The following CDH12 variants were observed in gnomAD, a reference collection of about 807,000 sequenced individuals.
CDH12 encodes the protein cadherin-12.
A neutral mutation model predicts 74.1 loss-of-function variants in CDH12; 41 were observed. The ratio of observed to expected loss-of-function variants is 0.55; its 90% CI spans 0.43 to 0.72. The LOEUF (loss-of-function observed/expected upper bound fraction) is 0.72. Ranked by LOEUF, CDH12 falls within the 30% of genes least tolerant of loss-of-function variation. CDH12 has a pLI of 0.00. For missense variants in CDH12, 945 were observed against 977.2 expected (o/e 0.97, Z 0.44); for synonymous variants, 399 against 355.0 (o/e 1.12, Z -1.39).
chr5:22,499,799 T>G (rs1747261517), intron 2 of CDH12, among the ~76,000 whole-genome samples: 1 of 152,146 alleles, frequency 6.6e-6, no homozygotes, highest in South Asian at 2.1e-4. Flanking sequence ...AAAAGTCAGA[T>G]GAAATCATTT....
At chr5:22,416,431 C>T (rs1051249181) in intron 2 of CDH12, among the ~76,000 whole-genome samples, 6 of 152,046 alleles carry the variant, frequency 3.9e-5, no homozygotes, top group African/African-American at 1.4e-4. Context: ...CAGTGGACAT[C>T]TATATACTAC....
At chr5:22,475,472 A>G (rs560469379) in intron 2 of CDH12, among the ~76,000 whole-genome samples, 2 of 152,120 alleles carry the variant, frequency 1.3e-5, no homozygotes, top group African/African-American at 2.4e-5. Context: ...AAATAAAAAT[A>G]TTGACTATAT....
intron 3 of CDH12, among the ~76,000 whole-genome samples, chr5:22,376,705 T>A (rs1281928709): frequency 7.5e-6 from 1 of 133,558 alleles, no homozygotes; most frequent in Non-Finnish European, 1.6e-5. Context: ...TTTTTTTTTT[T>A]AGAGATGAGC....
chr5:22,387,783 G>C (rs963048667), intron 3 of CDH12, among the ~76,000 whole-genome samples: 2 of 152,104 alleles, frequency 1.3e-5, no homozygotes, highest in Admixed American at 1.3e-4. Context: ...GCCTCTGTTT[G>C]AGTTCACATG....
intron 2 of CDH12, among the ~76,000 whole-genome samples, chr5:22,467,014 C>CCT (rs34815610): frequency 6.6e-6 from 1 of 150,946 alleles, no homozygotes; most frequent in Admixed American, 6.6e-5. Context: ...GTCTGGATCT[C>CCT]GACCTCGTGA....
At chr5:22,456,181 T>C (rs1388048702) in intron 2 of CDH12, among the ~76,000 whole-genome samples, 2 of 151,108 alleles carry the variant, frequency 1.3e-5, no homozygotes, top group Non-Finnish European at 2.9e-5. Flanking sequence ...AATGAAATAA[T>C]TAGAAGCAAA....
At chr5:21,851,527 T>C (rs1356142475) in intron 7 of CDH12, among the ~76,000 whole-genome samples, 1 of 150,962 alleles carries the variant, frequency 6.6e-6, no homozygotes, top group African/African-American at 2.4e-5. Context: ...ATGTTAAGTA[T>C]AATAAACATA....
chr5:22,567,317 A>T (rs1382164675), intron 1 of CDH12, among the ~76,000 whole-genome samples: 1 of 152,166 alleles, frequency 6.6e-6, no homozygotes, highest in African/African-American at 2.4e-5. Flanking sequence ...TGGAAACCCA[A>T]TTTGAAAATC....
At chr5:22,560,236 G>T (rs562863564) in intron 1 of CDH12, among the ~76,000 whole-genome samples, 1 of 152,046 alleles carries the variant, frequency 6.6e-6, no homozygotes, top group Non-Finnish European at 1.5e-5. Flanking sequence ...AAGCAATTTC[G>T]TAAGTTTTCA....
chr5:21,990,303 T>C (rs1236016085), intron 5 of CDH12, among the ~76,000 whole-genome samples: 2 of 152,168 alleles, frequency 1.3e-5, no homozygotes, highest in Non-Finnish European at 2.9e-5. Context: ...TGAATTTTTG[T>C]TTGGCATATA....
At chr5:21,984,731 T>C (rs577714432) in intron 5 of CDH12, among the ~76,000 whole-genome samples, 7 of 152,194 alleles carry the variant, frequency 4.6e-5, no homozygotes, top group Non-Finnish European at 8.8e-5. Flanking sequence ...ACCAAAATCA[T>C]ATTAAGTAAA....
chr5:22,431,653 G>A (rs531920901), intron 2 of CDH12, among the ~76,000 whole-genome samples: 102 of 152,316 alleles, frequency 6.7e-4, no homozygotes, highest in African/African-American at 2.4e-3. Context: ...GCATGTAAGT[G>A]CCCCTGGGAC....
At chr5:21,933,025 A>G (rs1023421445) in intron 6 of CDH12, among the ~76,000 whole-genome samples, 1 of 151,430 alleles carries the variant, frequency 6.6e-6, no homozygotes, top group Non-Finnish European at 1.5e-5. Context: ...AAAATATGAA[A>G]TTGTATATCC....
At chr5:22,146,530 G>A (rs1747195417) in intron 4 of CDH12, among the ~76,000 whole-genome samples, 1 of 151,978 alleles carries the variant, frequency 6.6e-6, no homozygotes. Flanking sequence ...AATATTTTAT[G>A]GCCTCTACCC....
At chr5:22,076,912 C>G (rs1268183360) in intron 5 of CDH12, among the ~76,000 whole-genome samples, 4 of 152,080 alleles carry the variant, frequency 2.6e-5, no homozygotes, top group Admixed American at 2.6e-4. Context: ...ACATTCTACT[C>G]AACCTACAGG....
intron 3 of CDH12, among the ~76,000 whole-genome samples, chr5:22,400,709 T>C (rs1427125573): frequency 6.6e-6 from 1 of 152,182 alleles, no homozygotes; most frequent in Non-Finnish European, 1.5e-5. Context: ...AAATGCTTTT[T>C]AGCCCCTTTT....
intron 1 of CDH12, among the ~76,000 whole-genome samples, chr5:22,728,477 T>A (rs575014069): frequency 2.3e-4 from 35 of 152,048 alleles, no homozygotes; most frequent in African/African-American, 8.4e-4. Context: ...TCGTGCTGGA[T>A]ATTTCATTCA....
intron 11 of CDH12, among the ~76,000 whole-genome samples, chr5:21,775,698 A>C (rs1745548320): frequency 6.6e-6 from 1 of 151,886 alleles, no homozygotes; most frequent in African/African-American, 2.4e-5. Context: ...CCTATGTGAC[A>C]CTATGTTTAG....
At chr5:22,489,129 C>T (rs1446170848) in intron 2 of CDH12, among the ~76,000 whole-genome samples, 3 of 127,190 alleles carry the variant, frequency 2.4e-5, no homozygotes, top group Admixed American at 2.1e-4. Context: ...ACGATCTCGG[C>T]TCACTGCAAG....
Sources: allele counts gnomAD v4.1 joint callset (sites outside exome capture counted in the v4.1 genomes callset), GRCh38; gene constraint gnomAD v4.1.1; transcripts MANE v1.5; gene names NCBI Gene and HGNC (gene_info 2026-07-23, HGNC 2026-07-21).